TRHDE: variants seen among roughly 807,000 people sequenced by gnomAD.
TRHDE encodes thyrotropin releasing hormone degrading enzyme.
A neutral mutation model predicts 125.7 loss-of-function variants in TRHDE; 72 were observed. The observed-to-expected ratio is 0.57, with a 90% CI of 0.47 to 0.70. The LOEUF is 0.70. TRHDE is among the 30% of genes least tolerant of loss of function. The probability of loss-of-function intolerance (pLI) is 0.00; values close to 1 mark genes in which losing one functional copy is unlikely to be tolerated. For synonymous variants in TRHDE, 509 were observed against 509.1 expected, an observed-to-expected ratio of 1.00 and a Z score of 0.00; for missense variants, 1,110 against 1,327.1, an observed-to-expected ratio of 0.84 and a Z score of 2.54.
chr12:72,157,388 T>C (rs1434480338), intron 2 of TRHDE, among the ~76,000 whole-genome samples: 1 of 152,204 alleles, frequency 6.6e-6, no homozygotes, highest in Non-Finnish European at 1.5e-5. Context: ...TCATCTTAGC[T>C]GCTGTGTGAA....
At chr12:72,253,696 A>C (rs528152204) in intron 2 of TRHDE, 1 of 152,322 alleles carries the variant, frequency 6.6e-6, no homozygotes, top group African/African-American at 2.4e-5. Flanking sequence ...GACACTCTTC[A>C]TTAAGTTGAA....
chr12:72,146,448 C>A (rs1328984540), intron 2 of TRHDE, among the ~76,000 whole-genome samples: 1 of 152,168 alleles, frequency 6.6e-6, no homozygotes, highest in Non-Finnish European at 1.5e-5. Context: ...AACAAAATAG[C>A]ATGGAGAGGC....
At chr12:72,639,679 T>C (rs1250670756) in intron 15 of TRHDE, among the ~76,000 whole-genome samples, 1 of 151,712 alleles carries the variant, frequency 6.6e-6, no homozygotes, top group Non-Finnish European at 1.5e-5. Context: ...GATGGGTTTT[T>C]GGTGTGGATG....
At chr12:72,655,804 T>G (rs914094914) in intron 17 of TRHDE, among the ~76,000 whole-genome samples, 2 of 152,202 alleles carry the variant, frequency 1.3e-5, no homozygotes, top group South Asian at 2.1e-4. Flanking sequence ...ACATACTGAT[T>G]GAAAATGATC....
chr12:72,331,276 A>G (rs1449942238), intron 2 of TRHDE, among the ~76,000 whole-genome samples: 1 of 152,208 alleles, frequency 6.6e-6, no homozygotes, highest in African/African-American at 2.4e-5. Context: ...TGTGCTAACC[A>G]CTATCCCATA....
At chr12:72,565,603 G>T (rs1157907989) in intron 9 of TRHDE, among the ~76,000 whole-genome samples, 2 of 152,240 alleles carry the variant, frequency 1.3e-5, no homozygotes, top group African/African-American at 2.4e-5. Flanking sequence ...TTGCTGCAGA[G>T]AATTTTACTA....
chr12:72,512,552 AATC>A (rs1878646607), intron 6 of TRHDE, among the ~76,000 whole-genome samples: 1 of 139,666 alleles, frequency 7.2e-6, no homozygotes, highest in South Asian at 2.1e-4. Flanking sequence ...ATTCATATAT[AATC>A]ATATATAATA....
chr12:72,272,811 C>T lies in TRHDE; in HGVS notation c.168C>T (p.Gly56=). 6.4e-7 allele frequency: 1 copy of T among 1,569,790 alleles called. No homozygotes were observed. Among genetic ancestry groups the T allele is most frequent in the Non-Finnish European group, 8.6e-7 (1 of 1,161,398 alleles). ...MGEDDAALRA[G]SRGLSDPWAD... is the part of the protein sequence containing the mutation. ...AAGACGACGCCGCGCTTCGGGCTGG[C>T]AGCAGGGGGCTCTCCGACCCGTGGG... The change falls in exon 1 of 19, where the codon GGC becomes GGT. Residue 56 remains glycine, a synonymous_variant. Coordinates refer to ENST00000261180, the MANE Select transcript of TRHDE (RefSeq NM_013381.3). This position sits in a 1 kb window ranked among gnomAD's most constrained non-coding sequence, Gnocchi z 6.7.
chr12:72,225,970 C>T (rs551107857), intron 2 of TRHDE, among the ~76,000 whole-genome samples: 2 of 152,226 alleles, frequency 1.3e-5, no homozygotes, highest in African/African-American at 2.4e-5. Context: ...GTCATGACTC[C>T]GCAGATGATA....
At chr12:72,324,357 C>T (rs915404372) in intron 2 of TRHDE, among the ~76,000 whole-genome samples, 3 of 152,046 alleles carry the variant, frequency 2.0e-5, no homozygotes, top group African/African-American at 4.8e-5. Flanking sequence ...CATATTGCCT[C>T]CATGAATACA....
chr12:72,273,566 G>C lies in TRHDE; in HGVS notation c.914+9G>C. The C allele has an allele frequency of 6.3e-7, 1 of 1,575,296 alleles. No homozygotes were observed. Among genetic ancestry groups the C allele is most frequent in the Non-Finnish European group, 8.6e-7 (1 of 1,162,300 alleles). On this transcript the variant is annotated intron_variant, in intron 1 of 18. Coordinates refer to ENST00000261180, the MANE Select transcript of TRHDE (RefSeq NM_013381.3). This position sits in a 1 kb window ranked among gnomAD's most constrained non-coding sequence, Gnocchi z 5.3. Reference sequence around the variant, plus strand: ...CTCCACGGGGAGAGAAGGTATGGAGGGAGGCGGTGCCCCGCGCTGCCCCAC... The same window carrying C: ...CTCCACGGGGAGAGAAGGTATGGAGCGAGGCGGTGCCCCGCGCTGCCCCAC...
At chr12:72,592,708 C>CTTTTTTTTTTTTTTT (rs35446767) in intron 12 of TRHDE, among the ~76,000 whole-genome samples, 2 of 144,588 alleles carry the variant, frequency 1.4e-5, no homozygotes, top group African/African-American at 2.5e-5. Flanking sequence ...TCTTTTCTTT[C>CTTTTTTTTTTTTTTT]TTTTTTTTTT....
At chr12:72,649,112 G>A (rs1037841552) in intron 15 of TRHDE, among the ~76,000 whole-genome samples, 3 of 151,866 alleles carry the variant, frequency 2.0e-5, no homozygotes, top group Non-Finnish European at 4.4e-5. Context: ...AACAATGCTA[G>A]AGGAATCACA....
intron 15 of TRHDE, among the ~76,000 whole-genome samples, chr12:72,641,656 G>A (rs1874066897): frequency 6.6e-6 from 1 of 152,052 alleles, no homozygotes; most frequent in Non-Finnish European, 1.5e-5. Flanking sequence ...GTGCCTTATT[G>A]TTGATTTATT....
At chr12:72,371,843 A>T (rs1204556282) in intron 2 of TRHDE, among the ~76,000 whole-genome samples, 1 of 152,196 alleles carries the variant, frequency 6.6e-6, no homozygotes, top group African/African-American at 2.4e-5. Context: ...ATAGTGCCGC[A>T]ATAAACATAC....
At chr12:72,314,197 T>C (rs1868681753) in intron 2 of TRHDE, among the ~76,000 whole-genome samples, 1 of 152,308 alleles carries the variant, frequency 6.6e-6, no homozygotes, top group East Asian at 1.9e-4. Context: ...GTGAGCTGAA[T>C]TGAGTGTACC....
At chr12:72,282,100 T>G (rs1477529095) in intron 1 of TRHDE, among the ~76,000 whole-genome samples, 1 of 152,166 alleles carries the variant, frequency 6.6e-6, no homozygotes, top group Non-Finnish European at 1.5e-5. Flanking sequence ...AAAGTGGAAT[T>G]TTTTATGGTA....
intron 2 of TRHDE, among the ~76,000 whole-genome samples, chr12:72,318,641 C>T (rs1807929281): frequency 1.3e-5 from 2 of 152,048 alleles, no homozygotes; most frequent in African/African-American, 4.8e-5. Flanking sequence ...GCTAGGAGTG[C>T]AGTGTATGAA....
At chr12:72,559,467 A>G (rs1870073694) in intron 7 of TRHDE, among the ~76,000 whole-genome samples, 1 of 152,172 alleles carries the variant, frequency 6.6e-6, no homozygotes. Flanking sequence ...ACCTCTCTCC[A>G]TAGGCAGATG....
Sources: allele counts gnomAD v4.1 joint callset (sites outside exome capture counted in the v4.1 genomes callset), GRCh38; gene constraint gnomAD v4.1.1; non-coding constraint Gnocchi (gnomAD v3.1); transcripts MANE v1.5; gene names NCBI Gene and HGNC (gene_info 2026-07-23, HGNC 2026-07-21).